PLXNA4: variants seen among roughly 807,000 people sequenced by gnomAD.
PLXNA4 encodes the protein plexin A4.
A neutral mutation model predicts 191.8 loss-of-function variants in PLXNA4; 44 were observed. The ratio of observed to expected loss-of-function variants is 0.23; its 90% CI spans 0.18 to 0.29. PLXNA4 has a LOEUF of 0.29. Ranked by LOEUF, PLXNA4 falls within the 10% of genes least tolerant of loss-of-function variation. The pLI, the probability that PLXNA4 is intolerant of heterozygous loss-of-function variation, is 1.00. For missense variants in PLXNA4, 1,800 were observed against 2,488.8 expected (o/e 0.72, Z 5.89); for synonymous variants, 1,082 against 1,009.5 (o/e 1.07, Z -1.36).
chr7:132,255,197 T>G (rs1012039011), intron 4 of PLXNA4, among the ~76,000 whole-genome samples: 9 of 152,166 alleles, frequency 5.9e-5, no homozygotes, highest in African/African-American at 2.2e-4. Flanking sequence ...TTTTAATAAC[T>G]GAATGTTAGT....
intron 2 of PLXNA4, among the ~76,000 whole-genome samples, chr7:132,586,245 A>C (rs367559668): frequency 6.6e-6 from 1 of 152,242 alleles, no homozygotes; most frequent in Non-Finnish European, 1.5e-5. Flanking sequence ...GGATAAAGAT[A>C]GAGGAGACAT....
At chr7:132,160,982 C>T (rs545014362) in intron 24 of PLXNA4, among the ~76,000 whole-genome samples, 4 of 152,220 alleles carry the variant, frequency 2.6e-5, no homozygotes, top group Non-Finnish European at 5.9e-5. Flanking sequence ...AATGCCCTAA[C>T]CTGAAAACAA....
chr7:132,635,170 T>TTATATATA (rs3037811), intron 2 of PLXNA4, among the ~76,000 whole-genome samples: 212 of 131,786 alleles, frequency 1.6e-3, no homozygotes, highest in African/African-American at 3.7e-3. Context: ...AAACTCCCCT[T>TTATATATA]TATATATATA....
intron 2 of PLXNA4, among the ~76,000 whole-genome samples, chr7:132,600,354 T>C (rs942468698): frequency 6.6e-6 from 1 of 151,978 alleles, no homozygotes; most frequent in Non-Finnish European, 1.5e-5. Context: ...CTAATTATGA[T>C]CTTTATTTTA....
rs374440090 is a variant in PLXNA4, at chr7:132,428,414, C to T, written c.1371+60878G>A. Among the ~76,000 whole-genome samples the T allele has an allele frequency of 4.6e-5, 7 of 152,320 alleles. No individual in the cohort carries two copies. In the East Asian group the frequency reaches 1.2e-3, roughly 25 times the overall value. On this transcript the variant is annotated intron_variant, in intron 3 of 31. Coordinates refer to ENST00000321063, the MANE Select transcript of PLXNA4 (RefSeq NM_020911.2). Reference sequence around the variant, plus strand: ...TTCTGTTAAGAAAGCACAAACAATCCGATGCCAGGAGGCGAGGACCTTGCT... The same window carrying T: ...TTCTGTTAAGAAAGCACAAACAATCTGATGCCAGGAGGCGAGGACCTTGCT...
chr7:132,599,351 A>T (rs1179627483), intron 2 of PLXNA4, among the ~76,000 whole-genome samples: 1 of 152,190 alleles, frequency 6.6e-6, no homozygotes, highest in Non-Finnish European at 1.5e-5. Flanking sequence ...AAATATTAAA[A>T]ATCTATATTT....
chr7:132,635,762 TAAC>T (rs1272837665), intron 2 of PLXNA4, among the ~76,000 whole-genome samples: 1 of 151,752 alleles, frequency 6.6e-6, no homozygotes, highest in East Asian at 1.9e-4. Flanking sequence ...GTTTAATACT[TAAC>T]AACACAGGAA....
intron 28 of PLXNA4, among the ~76,000 whole-genome samples, chr7:132,145,883 A>C (rs962113069): frequency 7.3e-5 from 11 of 150,122 alleles, no homozygotes; most frequent in African/African-American, 2.7e-4. Flanking sequence ...CAGCCTGGCC[A>C]ACATGGTGAA....
intron 1 of PLXNA4, among the ~76,000 whole-genome samples, chr7:132,528,972 T>C (rs1011163347): frequency 9.2e-5 from 14 of 152,232 alleles, no homozygotes; most frequent in African/African-American, 3.4e-4. Context: ...CCATGAAGAC[T>C]ATGAAGGGTG....
intron 20 of PLXNA4, among the ~76,000 whole-genome samples, chr7:132,178,013 T>C (rs1179047119): frequency 1.3e-5 from 2 of 152,086 alleles, no homozygotes; most frequent in African/African-American, 4.8e-5. Context: ...CCAGGATGAG[T>C]CACAAAATGA....
chr7:132,299,102 C>T (rs1401257391), intron 3 of PLXNA4, among the ~76,000 whole-genome samples: 1 of 152,194 alleles, frequency 6.6e-6, no homozygotes, highest in African/African-American at 2.4e-5. Flanking sequence ...TGCATAGATC[C>T]AACATGACCG....
chr7:132,365,328 CGTGTGTGTGTGT>C (rs3057957), intron 3 of PLXNA4, among the ~76,000 whole-genome samples: 215 of 143,074 alleles, frequency 1.5e-3, no homozygotes, highest in African/African-American at 5.0e-3. Flanking sequence ...CTACGGCCCG[CGTGTGTGTGTGT>C]GTGTGTGTGT....
intron 3 of PLXNA4, among the ~76,000 whole-genome samples, chr7:132,412,042 C>T (rs1794476945): frequency 6.6e-6 from 1 of 152,088 alleles, no homozygotes. Context: ...TTCTCCACTT[C>T]ACAACCCCCA....
chr7:132,542,689 A>G (rs1490790426), intron 1 of PLXNA4, among the ~76,000 whole-genome samples: 1 of 152,098 alleles, frequency 6.6e-6, no homozygotes, highest in Non-Finnish European at 1.5e-5. Context: ...TTCTGTATTT[A>G]TTATACTTCA....
At chr7:132,393,258 T>TCTAGG (rs1469579087) in intron 3 of PLXNA4, among the ~76,000 whole-genome samples, 1 of 102,522 alleles carries the variant, frequency 9.8e-6, no homozygotes, top group African/African-American at 3.8e-5. Context: ...CACTCCCCAT[T>TCTAGG]CTAGGCTCCT....
At position 132,168,582 on chromosome 7, in the gene PLXNA4, G is replaced by T; in HGVS notation, c.4018-10C>A. On this transcript the variant is annotated splice_polypyrimidine_tract_variant and intron_variant, in intron 21 of 31. Transcript: ENST00000321063. ...GCCGGTAGCCCGGGACCTGCAGAGA[G>T]ACCTAGGAGTCGTGATGCCATTGGC... The T allele has an allele frequency of 6.4e-7, 1 of 1,559,760 alleles. No individual in the cohort carries two copies. The highest frequency in any genetic ancestry group is 8.7e-7 in the Non-Finnish European group (1 of 1,150,150).
intron 25 of PLXNA4, among the ~76,000 whole-genome samples, chr7:132,150,491 T>C (rs2598203): frequency 0.058 from 8,753 of 152,072 alleles, 817 homozygotes; most frequent in African/African-American, 0.2. Flanking sequence ...AGAGGCTACA[T>C]AGGGGTGGAG....
At chr7:132,557,811 G>A (rs1190377503) in intron 1 of PLXNA4, among the ~76,000 whole-genome samples, 1 of 152,082 alleles carries the variant, frequency 6.6e-6, no homozygotes, top group Non-Finnish European at 1.5e-5. Context: ...GACTTCGCCA[G>A]GAAGCTACTT....
At chr7:132,538,555 A>T (rs1247608044) in intron 1 of PLXNA4, among the ~76,000 whole-genome samples, 1 of 152,260 alleles carries the variant, frequency 6.6e-6, no homozygotes, top group African/African-American at 2.4e-5. Context: ...CTCATTGTGT[A>T]AACCTTTGAA....
Sources: gnomAD v4.1 joint callset for allele counts (sites outside exome capture counted in the v4.1 genomes callset) on GRCh38, gnomAD v4.1.1 for gene constraint, MANE v1.5 for transcripts, NCBI Gene and HGNC (gene_info 2026-07-23, HGNC 2026-07-21) for gene names.